The following SKAP2 variants were observed in gnomAD, a reference collection of about 807,000 sequenced individuals.
SKAP2 encodes src kinase associated phosphoprotein 2.
In SKAP2, 28 loss-of-function variants were observed where a neutral mutation model predicts 54.9. The observed-to-expected ratio is 0.51, with a 90% CI of 0.38 to 0.70. The LOEUF (loss-of-function observed/expected upper bound fraction) is 0.70. Among genes scored for constraint, SKAP2 ranks in the 30% least tolerant of loss-of-function variants. The probability of loss-of-function intolerance (pLI) is 0.00; values close to 1 mark genes in which losing one functional copy is unlikely to be tolerated. For synonymous variants in SKAP2, 137 were observed against 134.3 expected (o/e 1.02, Z -0.14); for missense variants, 356 against 424.1 (o/e 0.84, Z 1.41).
intron 11 of SKAP2, among the ~76,000 whole-genome samples, chr7:26,673,523 TC>T (rs1033137152): frequency 3.3e-5 from 5 of 152,074 alleles, no homozygotes; most frequent in African/African-American, 1.2e-4. Flanking sequence ...AGCTGCTTTC[TC>T]CTCCTGCAGT....
rs1786178702 is a variant in SKAP2, at chr7:26,669,191, C to G, written c.*475G>C. 1 of 152,078 alleles carries G rather than the reference C, an allele frequency of 6.6e-6. No individual in the cohort carries two copies. The highest frequency in any genetic ancestry group is 2.4e-5 in the African/African-American group (1 of 41,400). The allele number at this position is 152,078 out of a possible 1,614,324, so 9.4% of individuals were successfully genotyped here. On this transcript the variant is annotated 3_prime_UTR_variant, in exon 13 of 13. Transcript: ENST00000345317. Reference sequence around the variant, plus strand: ...ACATTCTTTAGCATTCTTTGTTTAGCAACCACATTCTTCAGCATCTACCAA... The same window carrying G: ...ACATTCTTTAGCATTCTTTGTTTAGGAACCACATTCTTCAGCATCTACCAA...
intron 4 of SKAP2, among the ~76,000 whole-genome samples, chr7:26,835,169 T>C (rs1784681241): frequency 6.6e-6 from 1 of 152,126 alleles, no homozygotes; most frequent in Admixed American, 6.6e-5. Flanking sequence ...AAACTCTCAA[T>C]AAAGTAGGTA....
chr7:26,717,600 C>T (rs1271720059), intron 9 of SKAP2, among the ~76,000 whole-genome samples: 8 of 132,406 alleles, frequency 6.0e-5, no homozygotes, highest in South Asian at 4.9e-4. Flanking sequence ...CCAAGGTGGG[C>T]GAATCACCTG....
At chr7:26,687,217 G>A (rs1786666475) in intron 10 of SKAP2, among the ~76,000 whole-genome samples, 1 of 150,220 alleles carries the variant, frequency 6.7e-6, no homozygotes, top group Non-Finnish European at 1.5e-5. Flanking sequence ...AGCACATGAG[G>A]GGAAGAGAGA....
At chr7:26,796,060 A>G (rs911356056) in intron 4 of SKAP2, among the ~76,000 whole-genome samples, 9 of 152,268 alleles carry the variant, frequency 5.9e-5, no homozygotes, top group African/African-American at 2.2e-4. Context: ...CATAAAATAT[A>G]TGTAAATACT....
At chr7:26,703,172 A>C (rs73075594) in intron 9 of SKAP2, among the ~76,000 whole-genome samples, 8 of 152,348 alleles carry the variant, frequency 5.3e-5, no homozygotes, top group Non-Finnish European at 1.0e-4. Flanking sequence ...GCCACCCCAG[A>C]AGAAGAAGAA....
intron 3 of SKAP2, among the ~76,000 whole-genome samples, chr7:26,853,550 A>G (rs1344615650): frequency 1.3e-5 from 2 of 151,940 alleles, no homozygotes; most frequent in Non-Finnish European, 1.5e-5. Flanking sequence ...ACATATTTCA[A>G]AAAAAAATGA....
intron 4 of SKAP2, among the ~76,000 whole-genome samples, chr7:26,748,341 A>G (rs752366115): frequency 2.6e-5 from 4 of 152,168 alleles, no homozygotes; most frequent in African/African-American, 7.2e-5. Context: ...GGAAAACCTT[A>G]TAAGAATCTC....
chr7:26,741,192 T>C (rs1045137084), intron 4 of SKAP2, among the ~76,000 whole-genome samples: 16 of 152,064 alleles, frequency 1.1e-4, no homozygotes, highest in African/African-American at 3.6e-4. Flanking sequence ...ACAGAGTGAC[T>C]ATAGTCAACA....
At chr7:26,687,767 C>A (rs1786679796) in intron 10 of SKAP2, among the ~76,000 whole-genome samples, 1 of 152,008 alleles carries the variant, frequency 6.6e-6, no homozygotes, top group South Asian at 2.1e-4. Context: ...ACTGTTCACC[C>A]CTAAACACTG....
chr7:26,760,349 T>A (rs1421081780), intron 4 of SKAP2, among the ~76,000 whole-genome samples: 12 of 152,148 alleles, frequency 7.9e-5, no homozygotes. Context: ...AAGGAATTGA[T>A]TTTTTTATAA....
At chr7:26,750,000 C>T (rs115663878) in intron 4 of SKAP2, among the ~76,000 whole-genome samples, 1,578 of 151,742 alleles carry the variant, frequency 0.01, 25 homozygotes, top group African/African-American at 0.037. Flanking sequence ...CATCACATAA[C>T]CCTAAGAGGT....
intron 4 of SKAP2, among the ~76,000 whole-genome samples, chr7:26,799,861 G>A (rs1783873582): frequency 6.6e-6 from 1 of 152,110 alleles, no homozygotes; most frequent in South Asian, 2.1e-4. Flanking sequence ...GCTCACGCCT[G>A]TAATCCCAGC....
At chr7:26,772,346 C>T (rs1400680722) in intron 4 of SKAP2, among the ~76,000 whole-genome samples, 1 of 152,042 alleles carries the variant, frequency 6.6e-6, no homozygotes, top group Non-Finnish European at 1.5e-5. Context: ...GAGCATAGTA[C>T]CCAATAGGTA....
chr7:26,838,385 TA>T (rs1417853236), intron 4 of SKAP2, among the ~76,000 whole-genome samples: 2 of 152,290 alleles, frequency 1.3e-5, no homozygotes, highest in Admixed American at 6.5e-5. Context: ...TTCAATTTAC[TA>T]ATTCTGAAAT....
In SKAP2 at chr7:26,708,475, TC is replaced by T. The variant is rs564075730; in HGVS notation, c.796+16952del. On this transcript the variant is annotated intron_variant, in intron 9 of 12. Coordinates refer to ENST00000345317, the MANE Select transcript of SKAP2 (RefSeq NM_003930.5). ...CTCTTCATGAATATGAACTCCCGTTTCCCTATAACATTGAATGTGCTATAAT... is the reference window on the plus strand; with the variant it reads ...CTCTTCATGAATATGAACTCCCGTTTCCTATAACATTGAATGTGCTATAAT... 3.6e-4 allele frequency among the ~76,000 whole-genome samples: 55 copies of T among 152,324 alleles called. No individual in the cohort carries two copies. The East Asian group carries it at 7.5e-3, about 21-fold the overall frequency.
Position 26,818,329 on chromosome 7 carries a change from C to A in SKAP2, c.307+25701G>T, listed in dbSNP as rs528333429. Among the ~76,000 whole-genome samples, 17 of 152,232 alleles carry A rather than the reference C, an allele frequency of 1.1e-4. No homozygotes were observed. In the South Asian group the frequency reaches 3.1e-3, roughly 28 times the overall value. On this transcript the variant is annotated intron_variant, in intron 4 of 12. Coordinates refer to ENST00000345317, the MANE Select transcript of SKAP2 (RefSeq NM_003930.5). ...CTTTGACAAACCTGACAAAAACAAGCAATGGGGAAAGGATTCCCTATTTAA... is the reference window on the plus strand; with the variant it reads ...CTTTGACAAACCTGACAAAAACAAGAAATGGGGAAAGGATTCCCTATTTAA...
chr7:26,752,017 C>A (rs1000054715), intron 4 of SKAP2, among the ~76,000 whole-genome samples: 1 of 152,084 alleles, frequency 6.6e-6, no homozygotes, highest in Non-Finnish European at 1.5e-5. Context: ...TATATGGGAA[C>A]TCTTTGTGTT....
At chr7:26,854,736 A>G in intron 2 of SKAP2, 49 bp downstream of exon 2, 1 of 1,509,346 alleles carries the variant, frequency 6.6e-7, no homozygotes, top group Admixed American at 2.1e-5. Flanking sequence ...TGTTAGTTAC[A>G]AAACTGCTTC....
Sources: allele counts gnomAD v4.1 joint callset (sites outside exome capture counted in the v4.1 genomes callset), GRCh38; gene constraint gnomAD v4.1.1; transcripts MANE v1.5; gene names NCBI Gene and HGNC (gene_info 2026-07-23, HGNC 2026-07-21).